NUDT7: variants seen among roughly 807,000 people sequenced by gnomAD.
NUDT7 encodes peroxisomal coenzyme A diphosphatase NUDT7.
Under a neutral mutation model 13.1 loss-of-function variants are expected in NUDT7, and 19 were observed. The observed-to-expected ratio is 1.45, with a 90% confidence interval of 1.01 to 2.13. The LOEUF is 2.13. Among genes scored for constraint, NUDT7 ranks in the 30% most tolerant of loss-of-function variants. NUDT7 has a pLI of 0.00. For synonymous variants in NUDT7, 132 were observed against 109.7 expected (o/e 1.20, Z -1.27); for missense variants, 360 against 291.7 (o/e 1.23, Z -1.71).
chr16:77,735,711 C>A, intron 2 of NUDT7, 117 bp from the exon 3 acceptor site: 1 of 935,892 alleles, frequency 1.1e-6, no homozygotes, highest in Non-Finnish European at 1.6e-6. Context: ...CTTGATACCA[C>A]CACCTGGGTA....
intron 1 of NUDT7, among the ~76,000 whole-genome samples, chr16:77,723,095 G>C (rs774467497): frequency 2.6e-5 from 4 of 152,138 alleles, no homozygotes; most frequent in Non-Finnish European, 5.9e-5. Flanking sequence ...ACCATGCTCA[G>C]AACGGGGTGG....
At chr16:77,730,209 A>G (rs2014276799) in intron 2 of NUDT7, among the ~76,000 whole-genome samples, 1 of 152,134 alleles carries the variant, frequency 6.6e-6, no homozygotes, top group Admixed American at 6.5e-5. Flanking sequence ...ATAGTATACA[A>G]TACATCTCTC....
intron 3 of NUDT7, among the ~76,000 whole-genome samples, chr16:77,737,799 A>G (rs2145126418): frequency 6.6e-6 from 1 of 152,072 alleles, no homozygotes; most frequent in East Asian, 1.9e-4. Flanking sequence ...TGTTTTATAT[A>G]TTGGGCTTTC....
At chr16:77,733,788 G>C (rs1490504475) in intron 2 of NUDT7, among the ~76,000 whole-genome samples, 1 of 152,186 alleles carries the variant, frequency 6.6e-6, no homozygotes, top group Non-Finnish European at 1.5e-5. Flanking sequence ...GGCAGACCCA[G>C]GACTCTTGCT....
intron 1 of NUDT7, among the ~76,000 whole-genome samples, chr16:77,723,667 C>T (rs2014039287): frequency 6.7e-6 from 1 of 149,238 alleles, no homozygotes; most frequent in African/African-American, 2.5e-5. Flanking sequence ...TCTCGGCTCA[C>T]TGCAGCCTCT....
rs1040006928 is a variant in NUDT7, at chr16:77,734,476, A to G, written c.190-1352A>G. ...GTCTCTACTAAAAATACAAAAAATT[A>G]GCCGGGCATGCTGGTGGGCACCTGT... On this transcript the variant is annotated intron_variant, in intron 2 of 3. Coordinates refer to ENST00000268533, the MANE Select transcript of NUDT7 (RefSeq NM_001105663.3). 4.6e-5 allele frequency among the ~76,000 whole-genome samples: 7 copies of G among 152,130 alleles called. No homozygotes were observed. In the South Asian group the frequency reaches 6.2e-4, roughly 14 times the overall value.
intron 3 of NUDT7, among the ~76,000 whole-genome samples, chr16:77,738,483 A>T (rs1159567076): frequency 2.6e-5 from 4 of 152,238 alleles, no homozygotes; most frequent in Non-Finnish European, 5.9e-5. Flanking sequence ...GTATCACAAA[A>T]ATGCCATTTA....
chr16:77,724,733 T>C (rs7200134), intron 1 of NUDT7, among the ~76,000 whole-genome samples: 24,722 of 152,158 alleles, frequency 0.16, 2,795 homozygotes, highest in African/African-American at 0.32. Flanking sequence ...AAACTAGCAG[T>C]AGAACACACC....
chr16:77,729,441 A>G (rs977404799), intron 2 of NUDT7, among the ~76,000 whole-genome samples: 18 of 152,186 alleles, frequency 1.2e-4, no homozygotes, highest in African/African-American at 4.1e-4. Context: ...ACATATTACT[A>G]TACATATTAC....
chr16:77,723,389 A>T (rs1212446079), intron 1 of NUDT7, among the ~76,000 whole-genome samples: 1 of 151,914 alleles, frequency 6.6e-6, no homozygotes, highest in Non-Finnish European at 1.5e-5. Flanking sequence ...GCACCCTGCC[A>T]CCTAGAAAGA....
At chr16:77,736,107 C>A in intron 3 of NUDT7, 121 bp downstream of exon 3, 2 of 944,036 alleles carry the variant, frequency 2.1e-6, no homozygotes, top group Non-Finnish European at 3.2e-6. Flanking sequence ...GTCAAGAGAA[C>A]AGGTTCTCCT....
At chr16:77,737,759 A>G (rs1248596828) in intron 3 of NUDT7, among the ~76,000 whole-genome samples, 3 of 152,192 alleles carry the variant, frequency 2.0e-5, no homozygotes, top group Admixed American at 1.3e-4. Context: ...TGCTCGGACT[A>G]TAGACGTGAG....
chr16:77,723,669 G>A (rs992184196), intron 1 of NUDT7, among the ~76,000 whole-genome samples: 1 of 144,816 alleles, frequency 6.9e-6, no homozygotes, highest in African/African-American at 2.7e-5. Flanking sequence ...TCGGCTCACT[G>A]CAGCCTCTGC....
chr16:77,727,768 A>G (rs1481661459), intron 2 of NUDT7, among the ~76,000 whole-genome samples: 1 of 152,164 alleles, frequency 6.6e-6, no homozygotes, highest in African/African-American at 2.4e-5. Flanking sequence ...AGGCAGGGAG[A>G]ATCACTTGAA....
At chr16:77,729,179 A>G (rs942766682) in intron 2 of NUDT7, among the ~76,000 whole-genome samples, 2 of 152,182 alleles carry the variant, frequency 1.3e-5, no homozygotes, top group Non-Finnish European at 2.9e-5. Flanking sequence ...TTGATTAGTC[A>G]GTTTTAGAAA....
chr16:77,722,744 G>T (rs2013998654), intron 1 of NUDT7, 127 bp downstream of exon 1: 3 of 853,050 alleles, frequency 3.5e-6, no homozygotes, highest in Non-Finnish European at 1.9e-6. Context: ...GCGAGCGCCG[G>T]ATGGGGGAGC....
chr16:77,725,414 G>T lies in NUDT7; in HGVS notation c.36-17G>T, dbSNP rs781372904. On this transcript the variant is annotated splice_polypyrimidine_tract_variant and intron_variant, in intron 1 of 3. Transcript: ENST00000268533. ...CTCTGCTTGCTAAAATGTCTGTCTG[G>T]TTTGTTTTTATTTTAGAAACAGTTT... 6.2e-7 allele frequency: 1 copy of T among 1,602,236 alleles called. No homozygotes were observed. The highest frequency in any genetic ancestry group is 2.2e-5 in the East Asian group (1 of 44,662).
At position 77,722,617 on chromosome 16, in the gene NUDT7, G is replaced by C; in HGVS notation, c.35G>C (p.Arg12Thr). The C allele has an allele frequency of 6.3e-7, 1 of 1,593,628 alleles. No homozygotes were observed. The highest frequency in any genetic ancestry group is 1.3e-5 in the African/African-American group (1 of 74,628). Residue 12 changes from arginine to threonine, a missense_variant and splice_region_variant, in exon 1 of 4, where the codon AGA (arginine) becomes ACA (threonine). Coordinates refer to ENST00000268533, the MANE Select transcript of NUDT7 (RefSeq NM_001105663.3). ...CTTGGTCTTCCCGAGGAGCCAGTCAGGTAAAGGCTTTCCGGGCCCTGGCAC... is the reference window on the plus strand; with the variant it reads ...CTTGGTCTTCCCGAGGAGCCAGTCACGTAAAGGCTTTCCGGGCCCTGGCAC... ...SRLGLPEEPV[R>T]NSLLDDAKAR...
At chr16:77,731,207 C>G (rs762561740) in intron 2 of NUDT7, among the ~76,000 whole-genome samples, 9 of 152,136 alleles carry the variant, frequency 5.9e-5, no homozygotes, top group Non-Finnish European at 1.0e-4. Context: ...CCAAAATGAT[C>G]TTTTCCAATT....
Sources: allele counts gnomAD v4.1 joint callset (sites outside exome capture counted in the v4.1 genomes callset), GRCh38; gene constraint gnomAD v4.1.1; transcripts MANE v1.5; gene names NCBI Gene and HGNC (gene_info 2026-07-23, HGNC 2026-07-21).